The following DLG2 variants were observed in gnomAD, a reference collection of about 807,000 sequenced individuals.
DLG2 encodes the protein discs large MAGUK scaffold protein 2, also known as disks large homolog 2.
A neutral mutation model predicts 132.5 loss-of-function variants in DLG2; 45 were observed. That is an observed-to-expected ratio of 0.34 (90% CI 0.27 to 0.44). DLG2 has a LOEUF of 0.44. Ranked by LOEUF, DLG2 falls within the 20% of genes least tolerant of loss-of-function variation. The pLI is 1.00. For missense variants in DLG2, 1,045 were observed against 1,196.9 expected (o/e 0.87, Z 1.87); for synonymous variants, 424 against 419.6 (o/e 1.01, Z -0.13).
chr11:84,545,513 C>T, intron 6 of DLG2: 1 of 399,924 alleles, frequency 2.5e-6, no homozygotes, highest in South Asian at 2.1e-5. Flanking sequence ...TTCTTTGGCT[C>T]AATGAAGCAC....
At chr11:84,387,980 G>C (rs1242687620) in intron 7 of DLG2, among the ~76,000 whole-genome samples, 1 of 152,134 alleles carries the variant, frequency 6.6e-6, no homozygotes, top group Non-Finnish European at 1.5e-5. Context: ...CTTTAGTGTG[G>C]AGATGATTTC....
chr11:85,560,872 A>T (rs966247662), intron 3 of DLG2, among the ~76,000 whole-genome samples: 1 of 151,308 alleles, frequency 6.6e-6, no homozygotes, highest in African/African-American at 2.4e-5. Flanking sequence ...TCTCTACAAA[A>T]AATTTAAAAA....
At chr11:84,888,131 A>C (rs1600874139) in intron 6 of DLG2, among the ~76,000 whole-genome samples, 1 of 152,138 alleles carries the variant, frequency 6.6e-6, no homozygotes, top group Admixed American at 6.6e-5. Context: ...GTGATAGTTT[A>C]TTTTACATGT....
At chr11:84,086,328 C>T (rs1208078202) in intron 10 of DLG2, among the ~76,000 whole-genome samples, 2 of 152,110 alleles carry the variant, frequency 1.3e-5, no homozygotes, top group African/African-American at 4.8e-5. Flanking sequence ...TGACAGGGCA[C>T]TTTTAAAGTA....
chr11:85,419,687 C>G (rs1018559527), intron 3 of DLG2, among the ~76,000 whole-genome samples: 4 of 152,190 alleles, frequency 2.6e-5, no homozygotes, highest in Admixed American at 2.0e-4. Context: ...AGTTGATCTT[C>G]AATCTCTGAT....
chr11:83,774,788 A>G lies in DLG2; in HGVS notation c.1825+11902T>C, dbSNP rs2094522441. On this transcript the variant is annotated intron_variant, in intron 18 of 27. Transcript: ENST00000376104. Reference sequence around the variant, plus strand: ...ACGCATGGCCTACTCCATTCTGAACATTCTACATCCATTTTCACTAATCTT... The same window carrying G: ...ACGCATGGCCTACTCCATTCTGAACGTTCTACATCCATTTTCACTAATCTT... Among the ~76,000 whole-genome samples the G allele has an allele frequency of 1.3e-5, 2 of 152,148 alleles. 1 individual carries two copies. The highest frequency in any genetic ancestry group is 4.1e-4 in the South Asian group (2 of 4,820).
chr11:83,967,877 A>C (rs963090), intron 12 of DLG2, among the ~76,000 whole-genome samples: 6,462 of 152,250 alleles, frequency 0.042, 197 homozygotes, highest in Non-Finnish European at 0.067. Flanking sequence ...TCTTTTAGCC[A>C]AATTGAGCTG....
chr11:85,435,586 C>T (rs2091435616), intron 3 of DLG2, among the ~76,000 whole-genome samples: 1 of 151,976 alleles, frequency 6.6e-6, no homozygotes, highest in Admixed American at 6.6e-5. Context: ...AATAAAATAC[C>T]CATCAATACA....
At position 84,522,515 on chromosome 11, in the gene DLG2, A is replaced by G. The variant is rs560354119; in HGVS notation, c.519+12055T>C. Among the ~76,000 whole-genome samples, 7 of 152,318 alleles carry G rather than the reference A, an allele frequency of 4.6e-5. 1 individual carries two copies. The highest frequency in any genetic ancestry group is 3.3e-4 in the Admixed American group (5 of 15,304). ...CTCTAACATACTCAGTGTTCTGCCA[A>G]TTCAGAAGGAACAAATCATCTGCCT... On this transcript the variant is annotated intron_variant, in intron 7 of 27. Transcript: ENST00000376104.
chr11:84,029,308 C>G (rs114466848), intron 11 of DLG2, among the ~76,000 whole-genome samples: 2,751 of 152,126 alleles, frequency 0.018, 80 homozygotes, highest in South Asian at 0.064. Flanking sequence ...CTATCCAAAT[C>G]TTAATGTAAA....
chr11:84,602,654 A>G (rs2099578711), intron 6 of DLG2, among the ~76,000 whole-genome samples: 1 of 151,922 alleles, frequency 6.6e-6, no homozygotes, highest in Admixed American at 6.6e-5. Context: ...TTTTGCTTTT[A>G]TGTCCCTTTA....
chr11:85,153,870 A>T (rs1424687537), intron 5 of DLG2, among the ~76,000 whole-genome samples: 2 of 152,200 alleles, frequency 1.3e-5, no homozygotes, highest in Non-Finnish European at 2.9e-5. Flanking sequence ...AGATGAGGAA[A>T]TGGAAGCTTT....
chr11:84,208,915 G>A (rs907108121), intron 8 of DLG2, among the ~76,000 whole-genome samples: 38 of 152,184 alleles, frequency 2.5e-4, no homozygotes, highest in African/African-American at 8.9e-4. Context: ...AGAAAAGGAA[G>A]GTTAGAATAG....
chr11:85,219,261 A>G (rs934500256), intron 4 of DLG2, among the ~76,000 whole-genome samples: 2 of 152,212 alleles, frequency 1.3e-5, no homozygotes, highest in Non-Finnish European at 2.9e-5. Context: ...TTACCTCTTC[A>G]TAAAAGCTTT....
At chr11:84,007,773 C>T (rs971893738) in intron 11 of DLG2, among the ~76,000 whole-genome samples, 10 of 151,522 alleles carry the variant, frequency 6.6e-5, no homozygotes, top group African/African-American at 2.4e-4. Context: ...AACTGTATGA[C>T]CTTGTAATAT....
intron 10 of DLG2, among the ~76,000 whole-genome samples, chr11:84,093,047 A>AAAAGAAAGAAAG (rs1051086523): frequency 6.6e-6 from 1 of 151,534 alleles, no homozygotes; most frequent in African/African-American, 2.4e-5. Context: ...AAAAAAAAAA[A>AAAAGAAAGAAAG]AAAGAAAGAA....
chr11:84,477,620 G>C (rs530530215), intron 7 of DLG2, among the ~76,000 whole-genome samples: 2 of 152,300 alleles, frequency 1.3e-5, no homozygotes, highest in African/African-American at 4.8e-5. Context: ...CCACGGATTA[G>C]AGTGCAAATG....
intron 6 of DLG2, among the ~76,000 whole-genome samples, chr11:85,054,761 A>C (rs1488642554): frequency 6.6e-6 from 1 of 152,204 alleles, no homozygotes; most frequent in African/African-American, 2.4e-5. Flanking sequence ...TTAACACAGG[A>C]ACAGAAAAAC....
At chr11:83,865,027 G>C (rs978193532) in intron 16 of DLG2, among the ~76,000 whole-genome samples, 4 of 152,046 alleles carry the variant, frequency 2.6e-5, no homozygotes, top group Non-Finnish European at 5.9e-5. Context: ...TTATTGTCCC[G>C]CAAATATTCA....
Sources: gnomAD v4.1 joint callset for allele counts (sites outside exome capture counted in the v4.1 genomes callset) on GRCh38, gnomAD v4.1.1 for gene constraint, MANE v1.5 for transcripts, NCBI Gene and HGNC (gene_info 2026-07-23, HGNC 2026-07-21) for gene names.